The following ADAMTS6 variants were observed in gnomAD, a reference collection of about 807,000 sequenced individuals.
ADAMTS6 encodes A disintegrin and metalloproteinase with thrombospondin motifs 6.
In ADAMTS6, 23 loss-of-function variants were observed where a neutral mutation model predicts 144.3. The ratio of observed to expected loss-of-function variants is 0.16; its 90% CI spans 0.11 to 0.23. The LOEUF is 0.23. Among genes scored for constraint, ADAMTS6 ranks in the 10% least tolerant of loss-of-function variants. ADAMTS6 has a pLI of 1.00. For synonymous variants in ADAMTS6, 444 were observed against 457.5 expected, an observed-to-expected ratio of 0.97 and a Z score of 0.38; for missense variants, 999 against 1,379.6, an observed-to-expected ratio of 0.72 and a Z score of 4.37.
chr5:65,163,188 G>T (rs892185687), intron 24 of ADAMTS6, among the ~76,000 whole-genome samples: 1 of 152,102 alleles, frequency 6.6e-6, no homozygotes, highest in Non-Finnish European at 1.5e-5. Flanking sequence ...TGAGATTACA[G>T]ATGTGAGCCA....
At chr5:65,394,091 A>G (rs1482854714) in intron 7 of ADAMTS6, among the ~76,000 whole-genome samples, 1 of 152,176 alleles carries the variant, frequency 6.6e-6, no homozygotes, top group African/African-American at 2.4e-5. Context: ...TGACTTTGAC[A>G]TTCTCCTCAA....
At chr5:65,398,834 AAG>A (rs1392980241) in intron 7 of ADAMTS6, among the ~76,000 whole-genome samples, 32 of 141,338 alleles carry the variant, frequency 2.3e-4, no homozygotes, top group East Asian at 4.1e-4. Flanking sequence ...GAAAGAAAGA[AAG>A]AAAGAAAGAA....
intron 7 of ADAMTS6, among the ~76,000 whole-genome samples, chr5:65,371,701 G>A (rs1386375670): frequency 2.0e-5 from 3 of 152,112 alleles, no homozygotes; most frequent in Admixed American, 1.3e-4. Flanking sequence ...CACTCTGCAG[G>A]ATATTATCCA....
intron 21 of ADAMTS6, among the ~76,000 whole-genome samples, chr5:65,191,620 T>C (rs925714016): frequency 2.6e-5 from 4 of 152,018 alleles, no homozygotes; most frequent in African/African-American, 9.7e-5. Context: ...AATTATTGTC[T>C]ACTTACAAAG....
chr5:65,285,420 C>A (rs1414946546), intron 11 of ADAMTS6, among the ~76,000 whole-genome samples: 1 of 152,082 alleles, frequency 6.6e-6, no homozygotes, highest in African/African-American at 2.4e-5. Context: ...TATTGAGTTC[C>A]CATATGCCAG....
intron 13 of ADAMTS6, among the ~76,000 whole-genome samples, chr5:65,261,262 T>C (rs1368792292): frequency 6.6e-6 from 1 of 152,164 alleles, no homozygotes; most frequent in Non-Finnish European, 1.5e-5. Context: ...AAATATTTTA[T>C]ATTTCACCAA....
intron 7 of ADAMTS6, among the ~76,000 whole-genome samples, chr5:65,398,343 C>A (rs137976201): frequency 6.6e-6 from 1 of 152,300 alleles, no homozygotes; most frequent in Admixed American, 6.5e-5. Context: ...ATTGTTATGT[C>A]TCTTGCAGAA....
intron 7 of ADAMTS6, among the ~76,000 whole-genome samples, chr5:65,342,607 C>T (rs1217082441): frequency 6.6e-6 from 1 of 152,054 alleles, no homozygotes; most frequent in East Asian, 1.9e-4. Flanking sequence ...TCATATTTAA[C>T]AGAGAAAAGA....
chr5:65,260,666 GA>G lies in ADAMTS6; in HGVS notation c.1767-4del. The G allele has an allele frequency of 6.2e-7, 1 of 1,612,012 alleles. No homozygotes were observed. Among genetic ancestry groups the G allele is most frequent in the East Asian group, 2.2e-5 (1 of 44,700 alleles). ...AATATTTTCCACCTCCTGAAGGTCT[GA>G]AAAAACATTGTGTTTAAAATGTGAA... On this transcript the variant is annotated splice_region_variant and splice_polypyrimidine_tract_variant and intron_variant, in intron 13 of 24. Coordinates refer to ENST00000381055, the MANE Select transcript of ADAMTS6 (RefSeq NM_197941.4).
chr5:65,242,058 T>C (rs116602208), intron 15 of ADAMTS6, 46 bp downstream of exon 15: 1 of 1,333,810 alleles, frequency 7.5e-7, no homozygotes, highest in African/African-American at 1.5e-5. Context: ...TTCTTTGATA[T>C]TTGCAAAGTG....
intron 7 of ADAMTS6, among the ~76,000 whole-genome samples, chr5:65,394,187 T>C (rs1445300257): frequency 6.6e-6 from 1 of 152,216 alleles, no homozygotes; most frequent in Non-Finnish European, 1.5e-5. Context: ...CCAGTTCCCT[T>C]GTTTCTCTTG....
At chr5:65,399,491 T>C (rs1334387978) in intron 7 of ADAMTS6, among the ~76,000 whole-genome samples, 2 of 152,204 alleles carry the variant, frequency 1.3e-5, no homozygotes, top group Admixed American at 1.3e-4. Flanking sequence ...TGATTCCACT[T>C]TCTCTCTTAT....
chr5:65,356,027 T>C (rs1749288560), intron 7 of ADAMTS6, among the ~76,000 whole-genome samples: 1 of 151,870 alleles, frequency 6.6e-6, no homozygotes, highest in South Asian at 2.1e-4. Flanking sequence ...ACTAGAGTAA[T>C]GCTAAGAAAC....
Position 65,267,765 on chromosome 5 carries a change from C to T in ADAMTS6, c.1621-4803G>A, listed in dbSNP as rs371187290. ...TACCTTTTAATATCCAGTACTGGGT[C>T]CAGGCAGCATTTGGAATAAGAGACC... On this transcript the variant is annotated intron_variant, in intron 12 of 24. Transcript: ENST00000381055. Among the ~76,000 whole-genome samples the T allele has an allele frequency of 1.7e-3, 266 of 152,126 alleles. 1 individual carries two copies. The highest frequency in any genetic ancestry group is 6.1e-3 in the African/African-American group (255 of 41,502).
At chr5:65,391,904 T>A (rs1752953869) in intron 7 of ADAMTS6, among the ~76,000 whole-genome samples, 1 of 151,904 alleles carries the variant, frequency 6.6e-6, no homozygotes, top group East Asian at 1.9e-4. Context: ...CCAAGCTAAT[T>A]TTTGTATTTT....
At chr5:65,196,440 A>G (rs544735956) in intron 21 of ADAMTS6, among the ~76,000 whole-genome samples, 247 of 147,366 alleles carry the variant, frequency 1.7e-3, no homozygotes, top group African/African-American at 3.3e-3. Flanking sequence ...GGAGAATGGC[A>G]TGAACCCTGG....
chr5:65,397,193 T>C (rs1268324032), intron 7 of ADAMTS6, among the ~76,000 whole-genome samples: 1 of 152,216 alleles, frequency 6.6e-6, no homozygotes, highest in Non-Finnish European at 1.5e-5. Context: ...CCCTCTTTCA[T>C]TTCTAGTATT....
At chr5:65,170,086 C>T (rs1383422196) in intron 24 of ADAMTS6, among the ~76,000 whole-genome samples, 1 of 152,260 alleles carries the variant, frequency 6.6e-6, no homozygotes, top group South Asian at 2.1e-4. Flanking sequence ...AATTCCAGAG[C>T]ACAAAGAACT....
At chr5:65,302,296 T>G (rs1743504072) in intron 9 of ADAMTS6, among the ~76,000 whole-genome samples, 1 of 144,614 alleles carries the variant, frequency 6.9e-6, no homozygotes, top group Non-Finnish European at 1.5e-5. Context: ...TATTAATATA[T>G]AATATATAAT....
Sources: allele counts gnomAD v4.1 joint callset (sites outside exome capture counted in the v4.1 genomes callset), GRCh38; gene constraint gnomAD v4.1.1; transcripts MANE v1.5; gene names NCBI Gene and HGNC (gene_info 2026-07-23, HGNC 2026-07-21).